TAPT1: variants seen among roughly 807,000 people sequenced by gnomAD.
TAPT1 encodes the protein transmembrane anterior posterior transformation 1.
Under a neutral mutation model 65.6 loss-of-function variants are expected in TAPT1, and 28 were observed. The ratio of observed to expected loss-of-function variants is 0.43; its 90% CI spans 0.32 to 0.59. The LOEUF is 0.59. Ranked by LOEUF, TAPT1 falls within the 20% of genes least tolerant of loss-of-function variation. The pLI is 0.09. For synonymous variants in TAPT1, 278 were observed against 245.2 expected (o/e 1.13, Z -1.25); for missense variants, 563 against 679.9 (o/e 0.83, Z 1.91).
At chr4:16,213,426 G>A (rs1335555121) in intron 2 of TAPT1, among the ~76,000 whole-genome samples, 2 of 151,286 alleles carry the variant, frequency 1.3e-5, no homozygotes, top group African/African-American at 4.9e-5. Context: ...CATGCTGAAT[G>A]GGGGAAAAAA....
At chr4:16,183,752 T>C (rs1319751633) in intron 7 of TAPT1, among the ~76,000 whole-genome samples, 1 of 152,230 alleles carries the variant, frequency 6.6e-6, no homozygotes, top group Non-Finnish European at 1.5e-5. Context: ...GGTTAACTAC[T>C]GAAGCAAAGT....
chr4:16,211,240 T>A (rs1578475000), intron 2 of TAPT1, among the ~76,000 whole-genome samples: 1 of 151,350 alleles, frequency 6.6e-6, no homozygotes, highest in African/African-American at 2.4e-5. Flanking sequence ...AGAAAAAAAA[T>A]GAGTAAGATA....
chr4:16,207,156 G>C (rs147254226), intron 2 of TAPT1, among the ~76,000 whole-genome samples: 1 of 152,234 alleles, frequency 6.6e-6, no homozygotes, highest in Non-Finnish European at 1.5e-5. Flanking sequence ...ACCAGCAAGA[G>C]CTGCATTATG....
intron 2 of TAPT1, among the ~76,000 whole-genome samples, chr4:16,204,971 A>G (rs1750256506): frequency 6.6e-6 from 1 of 152,246 alleles, no homozygotes; most frequent in Middle Eastern, 3.2e-3. Context: ...GTAAGTAAAC[A>G]AAATATTCAC....
intron 2 of TAPT1, among the ~76,000 whole-genome samples, chr4:16,207,574 G>A (rs1750422960): frequency 2.0e-5 from 3 of 152,158 alleles, no homozygotes; most frequent in East Asian, 1.9e-4. Context: ...GACCTCTTGA[G>A]ATGACCTAGG....
At position 16,163,502 on chromosome 4, in the gene TAPT1, T is replaced by A. The variant is rs774714118; in HGVS notation, c.1510A>T (p.Thr504Ser). 1.2e-6 allele frequency: 2 copies of A among 1,613,850 alleles called. No individual in the cohort carries two copies. The highest frequency in any genetic ancestry group is 1.3e-5 in the African/African-American group (1 of 74,914). Residue 504 changes from threonine to serine, a missense_variant, in exon 14 of 14, where the codon ACC (threonine) becomes TCC (serine). Physicochemically the swap from Thr to Ser is moderately conservative, Grantham distance 58. Coordinates refer to ENST00000405303, the MANE Select transcript of TAPT1 (RefSeq NM_153365.3). ...TCCTTTTGATGAATAGGTTGTTTGG[T>A]GATGGAGGCAGACAGGTTTTCTTCT... is the stretch of plus-strand genomic sequence containing the variant. ...STEENLSASITKQPIHQKENI... is the reference protein window; with the variant it reads ...STEENLSASISKQPIHQKENI...
chr4:16,188,166 TAAGG>T, intron 5 of TAPT1, 50 bp downstream of exon 5: 1 of 1,473,766 alleles, frequency 6.8e-7, no homozygotes, highest in Non-Finnish European at 9.1e-7. Context: ...CCAAATAAAA[TAAGG>T]TAGACTATGC....
chr4:16,213,733 C>A, intron 2 of TAPT1, 35 bp downstream of exon 2: 1 of 1,509,178 alleles, frequency 6.6e-7, no homozygotes, highest in South Asian at 1.3e-5. Context: ...ACATAACTTT[C>A]AAAATGATGT....
At chr4:16,172,441 T>C (rs1021318771) in intron 11 of TAPT1, among the ~76,000 whole-genome samples, 1 of 152,106 alleles carries the variant, frequency 6.6e-6, no homozygotes, top group Non-Finnish European at 1.5e-5. Context: ...AATGCGGAAA[T>C]ATTTAATATT....
intron 7 of TAPT1, among the ~76,000 whole-genome samples, chr4:16,180,581 T>TC: frequency 6.6e-6 from 1 of 152,356 alleles, no homozygotes; most frequent in South Asian, 2.1e-4. Flanking sequence ...CTGTAAGCGC[T>TC]CTGAATTTCA....
At chr4:16,167,504 A>G (rs1043755963) in intron 12 of TAPT1, among the ~76,000 whole-genome samples, 1 of 152,078 alleles carries the variant, frequency 6.6e-6, no homozygotes, top group African/African-American at 2.4e-5. Flanking sequence ...GTACACCTCT[A>G]TTTGTACTTT....
intron 2 of TAPT1, among the ~76,000 whole-genome samples, chr4:16,213,196 C>A (rs948348710): frequency 6.6e-6 from 1 of 152,142 alleles, no homozygotes; most frequent in Non-Finnish European, 1.5e-5. Flanking sequence ...GCTTTCCCAG[C>A]CTATTTTATT....
At chr4:16,176,061 T>A (rs1260641031) in intron 9 of TAPT1, 58 bp downstream of exon 9, 5 of 845,360 alleles carry the variant, frequency 5.9e-6, no homozygotes, top group East Asian at 2.9e-5. Context: ...CTACAACTTT[T>A]AAAAATTAAG....
At position 16,187,637 on chromosome 4, in the gene TAPT1, T is replaced by A. The variant is rs568773679; in HGVS notation, c.748+583A>T. On this transcript the variant is annotated intron_variant, in intron 5 of 13. Transcript: ENST00000405303. ...AAAGTGACTCATTCTTGTGAATGAGTCCTGACTTCACATGGAACTTAAGAG... is the reference window on the plus strand; with the variant it reads ...AAAGTGACTCATTCTTGTGAATGAGACCTGACTTCACATGGAACTTAAGAG... 4.6e-5 allele frequency among the ~76,000 whole-genome samples: 7 copies of A among 151,880 alleles called. No individual in the cohort carries two copies. The South Asian group carries it at 1.5e-3, about 32-fold the overall frequency.
chr4:16,209,476 AT>A (rs1750535805), intron 2 of TAPT1, among the ~76,000 whole-genome samples: 1 of 152,226 alleles, frequency 6.6e-6, no homozygotes, highest in East Asian at 1.9e-4. Flanking sequence ...ATCTTTCTAA[AT>A]TTGAATTTAA....
At chr4:16,196,283 A>G (rs78497574) in intron 3 of TAPT1, among the ~76,000 whole-genome samples, 1,905 of 152,324 alleles carry the variant, frequency 0.013, 52 homozygotes, top group African/African-American at 0.043. Context: ...TACTGAAAAA[A>G]ATAACTTATT....
At chr4:16,175,325 C>G (rs1336894380) in intron 9 of TAPT1, among the ~76,000 whole-genome samples, 1 of 152,062 alleles carries the variant, frequency 6.6e-6, no homozygotes, top group Non-Finnish European at 1.5e-5. Context: ...GGTGAAATTA[C>G]TTTATCAATG....
At chr4:16,206,399 C>A (rs560831088) in intron 2 of TAPT1, among the ~76,000 whole-genome samples, 1 of 152,324 alleles carries the variant, frequency 6.6e-6, no homozygotes, top group Admixed American at 6.5e-5. Flanking sequence ...ACCCACCAGG[C>A]AGGAACTATT....
intron 8 of TAPT1, among the ~76,000 whole-genome samples, chr4:16,177,151 C>T (rs920032280): frequency 1.3e-5 from 2 of 152,118 alleles, no homozygotes; most frequent in African/African-American, 4.8e-5. Context: ...TTGACTGGTT[C>T]TAACAAAAAG....
Sources: gnomAD v4.1 joint callset for allele counts (sites outside exome capture counted in the v4.1 genomes callset) on GRCh38, gnomAD v4.1.1 for gene constraint, MANE v1.5 for transcripts, NCBI Gene and HGNC (gene_info 2026-07-23, HGNC 2026-07-21) for gene names.